KALRN: variants seen among roughly 807,000 people sequenced by gnomAD.
KALRN encodes the protein kalirin RhoGEF kinase, also known as kalirin.
In KALRN, 70 loss-of-function variants were observed where a neutral mutation model predicts 353.7. The ratio of observed to expected loss-of-function variants is 0.20; its 90% CI spans 0.16 to 0.24. The LOEUF is 0.24. KALRN is among the 10% of genes least tolerant of loss of function. The pLI is 1.00. For missense variants in KALRN, 2,791 were observed against 3,756.7 expected, an observed-to-expected ratio of 0.74 and a Z score of 6.72; for synonymous variants, 1,391 against 1,434.8, an observed-to-expected ratio of 0.97 and a Z score of 0.69.
intron 1 of KALRN, among the ~76,000 whole-genome samples, chr3:124,221,937 A>C (rs2077963292): frequency 6.6e-6 from 1 of 152,204 alleles, no homozygotes; most frequent in South Asian, 2.1e-4. Flanking sequence ...TCTCAGATGC[A>C]GAGCTCCCCA....
chr3:124,290,705 G>T (rs930727480), intron 5 of KALRN, among the ~76,000 whole-genome samples: 45 of 152,216 alleles, frequency 3.0e-4, no homozygotes, highest in African/African-American at 9.6e-4. Context: ...GATATTGAGG[G>T]TTAATATTGG....
chr3:124,061,628 T>G (rs1944859218), intron 1 of KALRN, among the ~76,000 whole-genome samples: 1 of 152,232 alleles, frequency 6.6e-6, no homozygotes, highest in Non-Finnish European at 1.5e-5. Flanking sequence ...TAATCTAATT[T>G]TCCAAATATG....
At chr3:124,096,965 T>C (rs1182065835) in intron 1 of KALRN, among the ~76,000 whole-genome samples, 1 of 152,192 alleles carries the variant, frequency 6.6e-6, no homozygotes, top group Non-Finnish European at 1.5e-5. Flanking sequence ...AATTTGAAAG[T>C]TTATGTGTAT....
At chr3:124,151,538 G>T (rs2068106081) in intron 1 of KALRN, among the ~76,000 whole-genome samples, 1 of 152,008 alleles carries the variant, frequency 6.6e-6, no homozygotes, top group Non-Finnish European at 1.5e-5. Context: ...CTTTGCTATT[G>T]AATTATCTGC....
chr3:124,577,647 G>T (rs1031347581), intron 34 of KALRN, among the ~76,000 whole-genome samples: 1 of 152,168 alleles, frequency 6.6e-6, no homozygotes, highest in African/African-American at 2.4e-5. Context: ...AGCACTTTGG[G>T]AGGCTGAGGT....
chr3:124,572,973 C>A (rs1269490906), intron 34 of KALRN, among the ~76,000 whole-genome samples: 4 of 152,136 alleles, frequency 2.6e-5, no homozygotes, highest in Non-Finnish European at 4.4e-5. Flanking sequence ...GGAGGTCGAG[C>A]CTGCAGTGAG....
chr3:124,306,956 G>C (rs2077761640), intron 6 of KALRN, among the ~76,000 whole-genome samples: 3 of 152,048 alleles, frequency 2.0e-5, no homozygotes, highest in Non-Finnish European at 4.4e-5. Context: ...CAAAAACTGA[G>C]AAAATTTGTT....
At chr3:124,619,583 C>G (rs2079048471) in intron 34 of KALRN, among the ~76,000 whole-genome samples, 1 of 147,874 alleles carries the variant, frequency 6.8e-6, no homozygotes, top group Non-Finnish European at 1.5e-5. Flanking sequence ...GCCTCCCAGG[C>G]TCAAGCAATT....
At chr3:124,088,164 TC>T (rs1167336853) in intron 1 of KALRN, among the ~76,000 whole-genome samples, 1 of 152,292 alleles carries the variant, frequency 6.6e-6, no homozygotes, top group East Asian at 1.9e-4. Flanking sequence ...GGTGGACTTT[TC>T]GGGATGCCAA....
chr3:124,614,964 T>C (rs2149600076), intron 34 of KALRN, among the ~76,000 whole-genome samples: 1 of 152,362 alleles, frequency 6.6e-6, no homozygotes, highest in Admixed American at 6.5e-5. Flanking sequence ...GTTTCATGAA[T>C]GGAATTGAGT....
intron 10 of KALRN, among the ~76,000 whole-genome samples, chr3:124,376,815 A>G (rs2086654724): frequency 6.6e-6 from 1 of 152,152 alleles, no homozygotes; most frequent in Non-Finnish European, 1.5e-5. Flanking sequence ...CACTAGGTAC[A>G]TCGAGGAATA....
intron 16 of KALRN, among the ~76,000 whole-genome samples, chr3:124,431,990 C>T (rs1049765958): frequency 2.6e-5 from 4 of 152,124 alleles, no homozygotes; most frequent in African/African-American, 7.2e-5. Flanking sequence ...TTTTCTAAGG[C>T]GGAATTAACC....
chr3:124,557,155 T>G (rs1417854773), intron 33 of KALRN, among the ~76,000 whole-genome samples: 2 of 152,212 alleles, frequency 1.3e-5, no homozygotes, highest in Non-Finnish European at 2.9e-5. Context: ...GCTGAGGTTT[T>G]GGGTACAAAT....
In KALRN at chr3:124,249,028, T is replaced by C. The variant is rs2070741813; in HGVS notation, c.263+14085T>C. Among the ~76,000 whole-genome samples, 3 of 152,242 alleles carry C rather than the reference T, an allele frequency of 2.0e-5. No homozygotes were observed. In the South Asian group the frequency reaches 6.2e-4, roughly 31 times the overall value. On this transcript the variant is annotated intron_variant, in intron 3 of 59. Coordinates refer to ENST00000682506, the MANE Select transcript of KALRN (RefSeq NM_001388419.1). The stretch of plus-strand genomic sequence containing the variant: ...TGAAGAGAAACTCCCTGTTTTGAAC[T>C]TGGAGGAAAGCAAGACCATTCCTCA...
intron 32 of KALRN, among the ~76,000 whole-genome samples, chr3:124,495,916 C>A (rs1430715945): frequency 7.8e-6 from 1 of 128,388 alleles, no homozygotes; most frequent in African/African-American, 2.9e-5. Flanking sequence ...TATATATCTT[C>A]CTACTGCCTC....
chr3:124,368,686 G>A (rs1260617826), intron 10 of KALRN, among the ~76,000 whole-genome samples: 5 of 146,668 alleles, frequency 3.4e-5, no homozygotes, highest in Admixed American at 1.4e-4. Context: ...CTGCAATCTC[G>A]GCACTTTGGG....
At chr3:124,249,736 G>A (rs1030695494) in intron 3 of KALRN, among the ~76,000 whole-genome samples, 18 of 152,292 alleles carry the variant, frequency 1.2e-4, no homozygotes, top group African/African-American at 3.6e-4. Flanking sequence ...GGGCAGCCTA[G>A]TTTATTCTGA....
chr3:124,462,823 A>G (rs991264421), intron 25 of KALRN, 190 bp downstream of exon 25: 7 of 536,882 alleles, frequency 1.3e-5, no homozygotes, highest in African/African-American at 1.2e-4. Flanking sequence ...TGGAGAGTAA[A>G]GTCAAGTATT....
At chr3:124,484,649 G>A (rs1368509733) in intron 28 of KALRN, among the ~76,000 whole-genome samples, 5 of 152,184 alleles carry the variant, frequency 3.3e-5, no homozygotes, top group Admixed American at 1.3e-4. Flanking sequence ...ATGGGTATAC[G>A]TTCTATCTTT....
Sources: allele counts gnomAD v4.1 joint callset (sites outside exome capture counted in the v4.1 genomes callset), GRCh38; gene constraint gnomAD v4.1.1; transcripts MANE v1.5; gene names NCBI Gene and HGNC (gene_info 2026-07-23, HGNC 2026-07-21).